The following STK32A variants were observed in gnomAD, a reference collection of about 807,000 sequenced individuals.
STK32A encodes the protein serine/threonine kinase 32A, also known as serine/threonine-protein kinase 32A.
Under a neutral mutation model 53.2 loss-of-function variants are expected in STK32A, and 41 were observed. The observed-to-expected ratio is 0.77, with a 90% CI of 0.60 to 1.00. STK32A has a LOEUF of 1.00. Ranked by LOEUF, STK32A falls within the 50% of genes least tolerant of loss-of-function variation. STK32A has a pLI of 0.00. For synonymous variants in STK32A, 166 were observed against 162.8 expected (o/e 1.02, Z -0.15); for missense variants, 458 against 485.8 (o/e 0.94, Z 0.54).
At chr5:147,380,507 T>A (rs988142077) in intron 11 of STK32A, among the ~76,000 whole-genome samples, 3 of 152,166 alleles carry the variant, frequency 2.0e-5, no homozygotes, top group Admixed American at 6.5e-5. Flanking sequence ...TGATTTTTTT[T>A]AAAGAATATT....
intron 4 of STK32A, among the ~76,000 whole-genome samples, chr5:147,280,631 A>T (rs1752020174): frequency 6.6e-6 from 1 of 150,888 alleles, no homozygotes; most frequent in African/African-American, 2.4e-5. Context: ...CAGCAGCAGC[A>T]GCAAGGCCCA....
In STK32A at chr5:147,274,915, G is replaced by C. The variant is rs141842671; in HGVS notation, c.53-3209G>C. Among the ~76,000 whole-genome samples the C allele has an allele frequency of 4.6e-3, 702 of 152,234 alleles. 9 individuals are homozygous for C. The highest frequency in any genetic ancestry group is 0.016 in the African/African-American group (662 of 41,536). On this transcript the variant is annotated intron_variant, in intron 2 of 12. Transcript: ENST00000397936. ...TGGTCATCAAACTTTTCTGTAAAGAGCCATCCAGTAAATATTGTGGGTTTA... is the reference window on the plus strand; with the variant it reads ...TGGTCATCAAACTTTTCTGTAAAGACCCATCCAGTAAATATTGTGGGTTTA...
Position 147,386,805 on chromosome 5 carries a change from C to T in STK32A, c.*2822C>T, listed in dbSNP as rs1029780806. On this transcript the variant is annotated 3_prime_UTR_variant, in exon 13 of 13. Transcript: ENST00000397936. Reference sequence around the variant, plus strand: ...CTGACAGTGCTGATTGTAATCACCTCCCACCACTGTGCATTTTAAACATGA... The same window carrying T: ...CTGACAGTGCTGATTGTAATCACCTTCCACCACTGTGCATTTTAAACATGA... 1 of 152,190 alleles carries T rather than the reference C, an allele frequency of 6.6e-6. No homozygotes were observed. The highest frequency in any genetic ancestry group is 1.5e-5 in the Non-Finnish European group (1 of 68,044). The allele number at this position is 152,190 out of a possible 1,614,324, so 9.4% of individuals were successfully genotyped here.
At chr5:147,377,943 T>A (rs1757296156) in intron 11 of STK32A, among the ~76,000 whole-genome samples, 1 of 152,172 alleles carries the variant, frequency 6.6e-6, no homozygotes, top group Admixed American at 6.6e-5. Flanking sequence ...AAATAAAAGG[T>A]ACTTTGCTTC....
At position 147,384,510 on chromosome 5, in the gene STK32A, T is replaced by C; in HGVS notation, c.*527T>C. 1 of 1,276,688 alleles carries C rather than the reference T, an allele frequency of 7.8e-7. No homozygotes were observed. The highest frequency in any genetic ancestry group is 1.1e-6 in the Non-Finnish European group (1 of 916,946). 79.1% of individuals were successfully genotyped at this position (1,276,688 alleles called of 1,614,324 possible). A position where few individuals can be genotyped will look rare whatever the true frequency, so the allele number is the denominator to read the frequency against. On this transcript the variant is annotated 3_prime_UTR_variant, in exon 13 of 13. Coordinates refer to ENST00000397936, the MANE Select transcript of STK32A (RefSeq NM_001112724.2). The stretch of plus-strand genomic sequence containing the variant: ...CAGGGAGGCATGAATGGAATCAGAT[T>C]AAAAGTAACAGAGATGGATGAGGGC...
chr5:147,301,037 T>C (rs1264095433), intron 4 of STK32A, among the ~76,000 whole-genome samples: 1 of 152,134 alleles, frequency 6.6e-6, no homozygotes, highest in African/African-American at 2.4e-5. Flanking sequence ...GCACACAAAA[T>C]TTGTTTGCAA....
In STK32A at chr5:147,257,425, G is replaced by A. The variant is rs73793364; in HGVS notation, c.52+17739G>A. Reference sequence around the variant, plus strand: ...GCAAATCCCCACAGGGTATAACAAGGCAAGCATTAAGTGCAATAGTTTGAG... The same window carrying A: ...GCAAATCCCCACAGGGTATAACAAGACAAGCATTAAGTGCAATAGTTTGAG... On this transcript the variant is annotated intron_variant, in intron 2 of 12. Transcript: ENST00000397936. 5.6e-3 allele frequency among the ~76,000 whole-genome samples: 849 copies of A among 152,238 alleles called. 6 individuals are homozygous for A. Among genetic ancestry groups the A allele is most frequent in the African/African-American group, 0.019 (785 of 41,522 alleles).
the STK32A span, chr5:147,394,104 C>T: frequency 5.6e-6 from 9 of 1,614,008 alleles, no homozygotes; most frequent in South Asian, 7.7e-5. Flanking sequence ...CTGAGCGAAC[C>T]CCCTCATCCA....
chr5:147,335,875 T>C (rs769585008), intron 5 of STK32A, among the ~76,000 whole-genome samples: 2 of 152,178 alleles, frequency 1.3e-5, no homozygotes, highest in Admixed American at 6.5e-5. Context: ...GAAGTGAAAA[T>C]ACCCAGTTGA....
chr5:147,279,322 C>G lies in STK32A; in HGVS notation c.184C>G (p.Arg62Gly), dbSNP rs763729440. 6.2e-7 allele frequency: 1 copy of G among 1,613,558 alleles called. No individual in the cohort carries two copies. The highest frequency in any genetic ancestry group is 8.5e-7 in the Non-Finnish European group (1 of 1,179,734). ...KYMNKQKCVE[R>G]NEVRNVFKEL... ...CATGAATAAACAAAAGTGCGTGGAG[C>G]GCAATGAAGTGAGAAATGTCTTCAA... The change falls in exon 4 of 13, where the codon CGC (arginine) becomes GGC (glycine). Residue 62 changes from arginine to glycine, a missense_variant. Coordinates refer to ENST00000397936, the MANE Select transcript of STK32A (RefSeq NM_001112724.2).
rs1039400281 is a variant in STK32A, at chr5:147,387,277, C to A, written c.*3294C>A. The A allele has an allele frequency of 2.6e-5, 4 of 152,268 alleles. No individual in the cohort carries two copies. Among genetic ancestry groups the A allele is most frequent in the African/African-American group, 9.6e-5 (4 of 41,468 alleles). The allele number at this position is 152,268 out of a possible 1,614,324, so 9.4% of individuals were successfully genotyped here. A position where few individuals can be genotyped will look rare whatever the true frequency, so the allele number is the denominator to read the frequency against. On this transcript the variant is annotated 3_prime_UTR_variant, in exon 13 of 13. Transcript: ENST00000397936. ...CGTCTGCTAATGGCTAACCCACTGC[C>A]ATGGTGGCACTGGTTTTGCCTGAGG... is the stretch of plus-strand genomic sequence containing the variant.
chr5:147,326,707 A>G (rs966827897), intron 5 of STK32A, among the ~76,000 whole-genome samples: 4 of 152,200 alleles, frequency 2.6e-5, no homozygotes, highest in African/African-American at 9.6e-5. Flanking sequence ...CCTCAGACCT[A>G]CTTGTACCTT....
At chr5:147,295,236 C>G (rs547566179) in intron 4 of STK32A, among the ~76,000 whole-genome samples, 3 of 152,154 alleles carry the variant, frequency 2.0e-5, no homozygotes, top group African/African-American at 7.2e-5. Context: ...CATGACTTTA[C>G]GATTTAGTTA....
Position 147,312,745 on chromosome 5 carries a change from C to T in STK32A, c.261-11153C>T, listed in dbSNP as rs140718363. Reference sequence around the variant, plus strand: ...GACAACGTACTCTAGAGAGAGAAAGCGCTGAAATAGGCACTGACGTACTGC... The same window carrying T: ...GACAACGTACTCTAGAGAGAGAAAGTGCTGAAATAGGCACTGACGTACTGC... On this transcript the variant is annotated intron_variant, in intron 4 of 12. Coordinates refer to ENST00000397936, the MANE Select transcript of STK32A (RefSeq NM_001112724.2). Among the ~76,000 whole-genome samples the T allele has an allele frequency of 3.2e-3, 485 of 152,238 alleles. 2 individuals carry two copies. Among genetic ancestry groups the T allele is most frequent in the African/African-American group, 0.011 (455 of 41,538 alleles).
intron 5 of STK32A, among the ~76,000 whole-genome samples, chr5:147,327,920 GGACA>G (rs1754681666): frequency 1.3e-5 from 2 of 152,134 alleles, no homozygotes; most frequent in South Asian, 2.1e-4. Context: ...CATGTGGAAC[GGACA>G]GACAGAGAAC....
At chr5:147,329,512 G>A (rs1754758582) in intron 5 of STK32A, among the ~76,000 whole-genome samples, 1 of 152,204 alleles carries the variant, frequency 6.6e-6, no homozygotes, top group African/African-American at 2.4e-5. Context: ...ATTATAGTGT[G>A]AAAAATAGTC....
chr5:147,325,345 G>T (rs1345344353), intron 5 of STK32A, among the ~76,000 whole-genome samples: 1 of 151,616 alleles, frequency 6.6e-6, no homozygotes, highest in East Asian at 1.9e-4. Context: ...GAGAGATGGG[G>T]TTTCACCATG....
At chr5:147,372,809 A>G (rs1214994529) in intron 9 of STK32A, among the ~76,000 whole-genome samples, 1 of 152,188 alleles carries the variant, frequency 6.6e-6, no homozygotes, top group Non-Finnish European at 1.5e-5. Context: ...GGTACTTTGT[A>G]TAAATAGCCT....
Position 147,277,511 on chromosome 5 carries a change from T to C in STK32A, c.53-613T>C, listed in dbSNP as rs151107200. On this transcript the variant is annotated intron_variant, in intron 2 of 12. Coordinates refer to ENST00000397936, the MANE Select transcript of STK32A (RefSeq NM_001112724.2). ...CATATCCATTCTAATCTGTTACAAGTCTGCACTTTGGAGATTAGTTCATGC... is the reference window on the plus strand; with the variant it reads ...CATATCCATTCTAATCTGTTACAAGCCTGCACTTTGGAGATTAGTTCATGC... 5.3e-3 allele frequency among the ~76,000 whole-genome samples: 802 copies of C among 152,336 alleles called. 8 individuals carry two copies. Among genetic ancestry groups the C allele is most frequent in the African/African-American group, 0.017 (713 of 41,580 alleles).
Sources: allele counts gnomAD v4.1 joint callset (sites outside exome capture counted in the v4.1 genomes callset), GRCh38; gene constraint gnomAD v4.1.1; transcripts MANE v1.5; gene names NCBI Gene and HGNC (gene_info 2026-07-23, HGNC 2026-07-21).